ARHGAP42: variants seen among roughly 807,000 people sequenced by gnomAD.
ARHGAP42 encodes rho GTPase-activating protein 42.
Under a neutral mutation model 125.0 loss-of-function variants are expected in ARHGAP42, and 63 were observed. The observed-to-expected ratio is 0.50, with a 90% CI of 0.41 to 0.62. The LOEUF is 0.62. Among genes scored for constraint, ARHGAP42 ranks in the 20% least tolerant of loss-of-function variants. The pLI is 0.00. For synonymous variants in ARHGAP42, 339 were observed against 351.0 expected (o/e 0.97, Z 0.38); for missense variants, 766 against 1,024.2 (o/e 0.75, Z 3.44).
intron 5 of ARHGAP42, among the ~76,000 whole-genome samples, chr11:100,915,820 A>G (rs1343555012): frequency 6.6e-6 from 1 of 152,188 alleles, no homozygotes; most frequent in East Asian, 1.9e-4. Context: ...TTCCCAGGGT[A>G]TATAATGTAG....
chr11:100,886,716 C>G (rs1168442669), intron 4 of ARHGAP42, among the ~76,000 whole-genome samples: 1 of 152,292 alleles, frequency 6.6e-6, no homozygotes, highest in African/African-American at 2.4e-5. Flanking sequence ...CAGTGCATCT[C>G]TCTACTAGCT....
At chr11:100,869,082 G>A (rs1221430047) in intron 4 of ARHGAP42, among the ~76,000 whole-genome samples, 3 of 151,750 alleles carry the variant, frequency 2.0e-5, no homozygotes, top group South Asian at 2.1e-4. Flanking sequence ...AAATCAGCAC[G>A]GAGACAACAA....
chr11:100,770,649 C>T (rs1048118558), intron 2 of ARHGAP42, among the ~76,000 whole-genome samples: 9 of 152,166 alleles, frequency 5.9e-5, no homozygotes, highest in Non-Finnish European at 1.2e-4. Context: ...GTAATCTTGA[C>T]TCACTGCAAC....
chr11:100,720,297 A>T (rs113667203), intron 1 of ARHGAP42, among the ~76,000 whole-genome samples: 4,025 of 152,288 alleles, frequency 0.026, 66 homozygotes, highest in Non-Finnish European at 0.031. Flanking sequence ...TTAAAACCTA[A>T]AGCAAAAAGT....
chr11:100,860,420 A>G (rs1459225662), intron 4 of ARHGAP42, among the ~76,000 whole-genome samples: 6 of 151,938 alleles, frequency 3.9e-5, no homozygotes, highest in Non-Finnish European at 8.8e-5. Flanking sequence ...CACCATCTCC[A>G]ATTATGTCAT....
At chr11:100,957,582 A>T (rs1355488779) in intron 12 of ARHGAP42, among the ~76,000 whole-genome samples, 2 of 152,124 alleles carry the variant, frequency 1.3e-5, no homozygotes, top group Admixed American at 1.3e-4. Flanking sequence ...AAAGCAAAGG[A>T]TGGTCAAAGG....
At chr11:100,753,897 C>A (rs1004883712) in intron 1 of ARHGAP42, among the ~76,000 whole-genome samples, 1 of 152,192 alleles carries the variant, frequency 6.6e-6, no homozygotes, top group Non-Finnish European at 1.5e-5. Flanking sequence ...CTGCAGCCTG[C>A]AGCTTCTTTC....
Position 100,778,595 on chromosome 11 carries a change from C to T in ARHGAP42, c.250+8157C>T, listed in dbSNP as rs574644769. On this transcript the variant is annotated intron_variant, in intron 2 of 23. Transcript: ENST00000298815. ...TTTTAAACCACCCTTATTTTTGTAC[C>T]CACACAGAAACCACCCACAATTAAT... 3.3e-5 allele frequency among the ~76,000 whole-genome samples: 5 copies of T among 151,156 alleles called. No homozygotes were observed. The South Asian group carries it at 1.0e-3, about 32-fold the overall frequency.
intron 9 of ARHGAP42, among the ~76,000 whole-genome samples, chr11:100,942,329 T>C (rs554086250): frequency 6.6e-6 from 1 of 152,164 alleles, no homozygotes; most frequent in Non-Finnish European, 1.5e-5. Context: ...TTAACCAAAA[T>C]GCTGGCTAAC....
At chr11:100,956,089 TG>T (rs1393274730) in intron 12 of ARHGAP42, among the ~76,000 whole-genome samples, 4 of 152,146 alleles carry the variant, frequency 2.6e-5, no homozygotes. Context: ...CTATAGTTGA[TG>T]GTTGTTTGCA....
intron 2 of ARHGAP42, among the ~76,000 whole-genome samples, chr11:100,787,197 G>A (rs962687301): frequency 1.3e-5 from 2 of 151,802 alleles, no homozygotes; most frequent in African/African-American, 2.4e-5. Context: ...AGAATGGCAT[G>A]AACCTGGGAG....
intron 6 of ARHGAP42, among the ~76,000 whole-genome samples, chr11:100,922,045 AT>A (rs972882837): frequency 1.4e-4 from 21 of 152,242 alleles, no homozygotes; most frequent in South Asian, 6.2e-4. Flanking sequence ...CTTTCCACTC[AT>A]TTTTTGGCAA....
chr11:100,961,535 G>A (rs747719828), intron 14 of ARHGAP42, 149 bp from the exon 15 acceptor site: 25 of 603,728 alleles, frequency 4.1e-5, no homozygotes, highest in East Asian at 9.0e-5. Context: ...ATCAATTCAC[G>A]CAAACAACAG....
intron 3 of ARHGAP42, among the ~76,000 whole-genome samples, chr11:100,825,248 A>G (rs1477310032): frequency 2.0e-5 from 3 of 152,146 alleles, no homozygotes; most frequent in Non-Finnish European, 4.4e-5. Flanking sequence ...TCCTTATATT[A>G]TGTTCTATGT....
At chr11:100,801,901 T>G (rs1026988867) in intron 3 of ARHGAP42, among the ~76,000 whole-genome samples, 5 of 152,182 alleles carry the variant, frequency 3.3e-5, no homozygotes. Context: ...AATAAAATGT[T>G]TATTACTTAA....
At chr11:100,847,180 G>A (rs1245896707) in intron 3 of ARHGAP42, among the ~76,000 whole-genome samples, 2 of 152,108 alleles carry the variant, frequency 1.3e-5, no homozygotes, top group African/African-American at 4.8e-5. Flanking sequence ...CAAAGGCCTC[G>A]ATCCCCTGAA....
intron 4 of ARHGAP42, among the ~76,000 whole-genome samples, chr11:100,874,418 C>G (rs1164829754): frequency 6.6e-6 from 1 of 152,202 alleles, no homozygotes; most frequent in Non-Finnish European, 1.5e-5. Flanking sequence ...ATTTTGTTTA[C>G]TGTCAATGTC....
intron 1 of ARHGAP42, among the ~76,000 whole-genome samples, chr11:100,734,025 C>T (rs1164789471): frequency 4.7e-5 from 7 of 149,408 alleles, no homozygotes; most frequent in Admixed American, 1.3e-4. Flanking sequence ...ACCACTGCCA[C>T]CTGGGTTCAA....
chr11:100,850,029 G>T (rs532719010), intron 3 of ARHGAP42, among the ~76,000 whole-genome samples: 6 of 152,022 alleles, frequency 3.9e-5, no homozygotes, highest in Non-Finnish European at 8.8e-5. Flanking sequence ...CTGTAGCCGT[G>T]CTGATCCTTA....
Sources: gnomAD v4.1 joint callset for allele counts (sites outside exome capture counted in the v4.1 genomes callset) on GRCh38, gnomAD v4.1.1 for gene constraint, MANE v1.5 for transcripts, NCBI Gene and HGNC (gene_info 2026-07-23, HGNC 2026-07-21) for gene names.